IL1RAP: variants seen among roughly 807,000 people sequenced by gnomAD.
The protein encoded by IL1RAP is interleukin-1 receptor accessory protein.
In IL1RAP, 35 loss-of-function variants were observed where a neutral mutation model predicts 60.7. The ratio of observed to expected loss-of-function variants is 0.58; its 90% CI spans 0.44 to 0.76. IL1RAP has a LOEUF of 0.76. Ranked by LOEUF, IL1RAP falls within the 30% of genes least tolerant of loss-of-function variation. IL1RAP has a pLI of 0.00. For synonymous variants in IL1RAP, 268 were observed against 250.9 expected, an observed-to-expected ratio of 1.07 and a Z score of -0.64; for missense variants, 572 against 693.9, an observed-to-expected ratio of 0.82 and a Z score of 1.97.
chr3:190,628,494 T>A (rs1391450878), intron 8 of IL1RAP, among the ~76,000 whole-genome samples: 1 of 152,188 alleles, frequency 6.6e-6, no homozygotes, highest in African/African-American at 2.4e-5. Context: ...TAAGCCTAGT[T>A]AAAAAGAGAA....
At chr3:190,571,020 A>G (rs1005527553) in intron 3 of IL1RAP, among the ~76,000 whole-genome samples, 5 of 152,088 alleles carry the variant, frequency 3.3e-5, no homozygotes, top group Non-Finnish European at 5.9e-5. Flanking sequence ...AATTTAGTCT[A>G]TTTGCCAATT....
intron 6 of IL1RAP, among the ~76,000 whole-genome samples, chr3:190,621,497 T>G (rs1001926107): frequency 6.6e-6 from 1 of 152,234 alleles, no homozygotes; most frequent in Non-Finnish European, 1.5e-5. Flanking sequence ...AGCAGTTGTT[T>G]CTAATATATG....
chr3:190,639,286 T>A (rs1475635805), intron 9 of IL1RAP, among the ~76,000 whole-genome samples: 1 of 152,190 alleles, frequency 6.6e-6, no homozygotes, highest in Non-Finnish European at 1.5e-5. Flanking sequence ...ATCCAATTAG[T>A]AGTGCCCCAC....
chr3:190,640,641 G>A (rs1397399205), intron 9 of IL1RAP, among the ~76,000 whole-genome samples: 1 of 152,144 alleles, frequency 6.6e-6, no homozygotes, highest in South Asian at 2.1e-4. Context: ...GCAGTGGATG[G>A]CAAGGCTCCA....
chr3:190,654,239 G>A (rs1001980049), downstream of IL1RAP, among the ~76,000 whole-genome samples: 2 of 112,596 alleles, frequency 1.8e-5, no homozygotes, highest in Non-Finnish European at 3.6e-5. Flanking sequence ...CAATTTGCAT[G>A]AGTTCTCTTT....
intron 2 of IL1RAP, among the ~76,000 whole-genome samples, chr3:190,557,693 A>G (rs1725541845): frequency 6.6e-6 from 1 of 152,178 alleles, no homozygotes. Context: ...AATAGAAACC[A>G]TATTTAGGTT....
At chr3:190,646,211 T>G (rs1734003620) in intron 11 of IL1RAP, among the ~76,000 whole-genome samples, 1 of 151,988 alleles carries the variant, frequency 6.6e-6, no homozygotes, top group Non-Finnish European at 1.5e-5. Context: ...GACTGAGAAT[T>G]TTTTTTTAAA....
intron 7 of IL1RAP, chr3:190,624,921 C>T: frequency 5.9e-6 from 1 of 170,384 alleles, no homozygotes. Context: ...CACGCAGTTG[C>T]CAGGCGGGTC....
rs565157930 is a variant in IL1RAP, at chr3:190,594,430, C to T, written c.65-9698C>T. Among the ~76,000 whole-genome samples, 10 of 152,282 alleles carry T rather than the reference C, an allele frequency of 6.6e-5. No homozygotes were observed. The East Asian group carries it at 1.3e-3, about 21-fold the overall frequency. On this transcript the variant is annotated intron_variant, in intron 3 of 11. Transcript: ENST00000447382. The stretch of plus-strand genomic sequence containing the variant: ...CTCATTCTTACCGTTCATTATGTAG[C>T]GCCAGCTATCATATCTATCTATGTC...
Position 190,600,032 on chromosome 3 carries a change from T to A in IL1RAP, c.65-4096T>A, listed in dbSNP as rs987307482. The stretch of plus-strand genomic sequence containing the variant: ...TTGATTTTCTCCAAGTTCCTTTTAC[T>A]TTTTTTTTTCTGACATTACATTTTG... On this transcript the variant is annotated intron_variant, in intron 3 of 11. Coordinates refer to ENST00000447382, the MANE Select transcript of IL1RAP (RefSeq NM_002182.4). Among the ~76,000 whole-genome samples, 4 of 149,252 alleles carry A rather than the reference T, an allele frequency of 2.7e-5. No individual in the cohort carries two copies. The South Asian group carries it at 8.4e-4, about 31-fold the overall frequency.
In IL1RAP at chr3:190,536,563, G is replaced by A. The variant is rs371059608; in HGVS notation, c.-88-19567G>A. Among the ~76,000 whole-genome samples the A allele has an allele frequency of 1.2e-4, 19 of 152,130 alleles. No homozygotes were observed. In the East Asian group the frequency reaches 2.5e-3, roughly 20 times the overall value. On this transcript the variant is annotated intron_variant, in intron 1 of 11. Coordinates refer to ENST00000447382, the MANE Select transcript of IL1RAP (RefSeq NM_002182.4). ...TTAAGTAATCCTGAAGAAAATTACC[G>A]TAAGCCTAAAGGTGGTTGAAAATGA...
At chr3:190,623,477 C>A in intron 7 of IL1RAP, 62 bp downstream of exon 7, 1 of 1,225,184 alleles carries the variant, frequency 8.2e-7, no homozygotes, top group South Asian at 1.2e-5. Flanking sequence ...AATAAAATGT[C>A]ATTTAAGTTA....
intron 9 of IL1RAP, among the ~76,000 whole-genome samples, chr3:190,634,339 A>C (rs897479002): frequency 7.1e-6 from 1 of 141,324 alleles, no homozygotes; most frequent in Non-Finnish European, 1.5e-5. Context: ...CCCAGGCTGG[A>C]GTACAGTGGC....
intron 9 of IL1RAP, chr3:190,630,204 T>C (rs1265237300): frequency 6.6e-6 from 5 of 761,654 alleles, no homozygotes; most frequent in Non-Finnish European, 8.0e-6. Context: ...GGTATAAACA[T>C]GATTTCTATG....
chr3:190,632,900 A>G (rs1034020043), intron 9 of IL1RAP, among the ~76,000 whole-genome samples: 1 of 152,206 alleles, frequency 6.6e-6, no homozygotes, highest in Non-Finnish European at 1.5e-5. Flanking sequence ...AATTAATTCT[A>G]TGAATATAGA....
rs151021524 is a variant in IL1RAP, at chr3:190,517,640, A to G, written c.-89+3421A>G. On this transcript the variant is annotated intron_variant, in intron 1 of 11. Coordinates refer to ENST00000447382, the MANE Select transcript of IL1RAP (RefSeq NM_002182.4). The stretch of plus-strand genomic sequence containing the variant: ...GATTTCTCTTCTTTGTAGCAAGCAC[A>G]CAGGCTTGCAAACGCAGATGTAGAA... Among the ~76,000 whole-genome samples the G allele has an allele frequency of 4.9e-3, 743 of 152,344 alleles. 5 individuals carry two copies. Among genetic ancestry groups the G allele is most frequent in the Middle Eastern group, 0.017 (5 of 294 alleles).
At chr3:190,579,150 A>T (rs1727766451) in intron 3 of IL1RAP, among the ~76,000 whole-genome samples, 1 of 152,372 alleles carries the variant, frequency 6.6e-6, no homozygotes, top group Non-Finnish European at 1.5e-5. Flanking sequence ...TACAGAACAT[A>T]GTAAGCTAGT....
chr3:190,560,094 G>T (rs1725757186), intron 2 of IL1RAP, among the ~76,000 whole-genome samples: 1 of 152,188 alleles, frequency 6.6e-6, no homozygotes, highest in South Asian at 2.1e-4. Flanking sequence ...TATCCCTTTT[G>T]TGTAGAATGG....
At chr3:190,565,166 GAA>G (rs1204423353) in intron 3 of IL1RAP, among the ~76,000 whole-genome samples, 2 of 137,906 alleles carry the variant, frequency 1.5e-5, no homozygotes, top group Non-Finnish European at 1.6e-5. Context: ...CTGTAGGACT[GAA>G]AAAAAAAAAA....
Sources: gnomAD v4.1 joint callset for allele counts (sites outside exome capture counted in the v4.1 genomes callset) on GRCh38, gnomAD v4.1.1 for gene constraint, MANE v1.5 for transcripts, NCBI Gene and HGNC (gene_info 2026-07-23, HGNC 2026-07-21) for gene names.